Variants in ATE1 observed in about 807,000 individuals in gnomAD.
ATE1 encodes arginyl-tRNA--protein transferase 1.
Under a neutral mutation model 70.5 loss-of-function variants are expected in ATE1, and 36 were observed. The observed-to-expected ratio is 0.51, with a 90% CI of 0.39 to 0.67. ATE1 has a LOEUF of 0.67. Ranked by LOEUF, ATE1 falls within the 30% of genes least tolerant of loss-of-function variation. The pLI, the probability that ATE1 is intolerant of heterozygous loss-of-function variation, is 0.00. For missense variants in ATE1, 593 were observed against 629.5 expected (o/e 0.94, Z 0.62); for synonymous variants, 232 against 219.3 (o/e 1.06, Z -0.51).
At chr10:121,918,988 C>T (rs902737602) in intron 3 of ATE1, among the ~76,000 whole-genome samples, 1 of 149,900 alleles carries the variant, frequency 6.7e-6, no homozygotes, top group Non-Finnish European at 1.5e-5. Context: ...CCAATCAGCA[C>T]TCTATAAAAT....
chr10:121,829,718 GA>G (rs918435160), intron 10 of ATE1, among the ~76,000 whole-genome samples: 25 of 138,560 alleles, frequency 1.8e-4, no homozygotes, highest in Middle Eastern at 4.0e-3. Context: ...CAAAAAAAAA[GA>G]AAAAAAAAAG....
At chr10:121,893,089 A>G (rs1298900426) in intron 7 of ATE1, among the ~76,000 whole-genome samples, 2 of 152,034 alleles carry the variant, frequency 1.3e-5, no homozygotes, top group African/African-American at 4.8e-5. Flanking sequence ...CATCCTGGCT[A>G]ACATAGTGAA....
chr10:121,804,131 A>G (rs2133398851), intron 10 of ATE1, among the ~76,000 whole-genome samples: 1 of 152,342 alleles, frequency 6.6e-6, no homozygotes, highest in Admixed American at 6.5e-5. Context: ...CAGTCATGTA[A>G]CCATGATAAA....
Position 121,899,976 on chromosome 10 carries a change from A to G in ATE1, c.832T>C (p.Ser278Pro), listed in dbSNP as rs755888288. 4 of 1,613,812 alleles carry G rather than the reference A, an allele frequency of 2.5e-6. No individual in the cohort carries two copies. The highest frequency in any genetic ancestry group is 3.4e-6 in the Non-Finnish European group (4 of 1,179,810). ...HKLEVRVVRS[S>P]PPSSQFKATL... ...GCTTTGAACTGCGAACTTGGTGGAGATGATCTCACCACCCTCACCTTCAGA... is the reference window on the plus strand; with the variant it reads ...GCTTTGAACTGCGAACTTGGTGGAGGTGATCTCACCACCCTCACCTTCAGA... The change falls in exon 7 of 12, where the codon TCT becomes CCT. Residue 278 changes from serine (S) to proline (P), a missense_variant. Physicochemically the swap from Ser to Pro is moderately conservative, Grantham distance 74. Transcript: ENST00000224652.
chr10:121,836,625 T>A (rs1948442862), intron 10 of ATE1, 93 bp downstream of exon 10: 3 of 757,216 alleles, frequency 4.0e-6, no homozygotes, highest in East Asian at 2.9e-5. Context: ...CGTCCTTCCT[T>A]CAAAGCTTCA....
At chr10:121,869,349 T>G (rs1949771839) in intron 8 of ATE1, among the ~76,000 whole-genome samples, 1 of 152,230 alleles carries the variant, frequency 6.6e-6, no homozygotes, top group Non-Finnish European at 1.5e-5. Context: ...CTTTTCCAAG[T>G]CTTGATGATC....
rs202227919 is a variant in ATE1, at chr10:121,820,141, C to CA, written c.1257+16576dup. 1.3e-3 allele frequency among the ~76,000 whole-genome samples: 194 copies of CA among 151,354 alleles called. 4 individuals carry two copies. In the East Asian group the frequency reaches 0.032, roughly 25 times the overall value. ...TGGGTGACAGAGTAAGACTCTGTCT[C>CA]AAAAAATAAACAAAAATAAATAAAT... On this transcript the variant is annotated intron_variant, in intron 10 of 11. Transcript: ENST00000224652.
chr10:121,757,600 C>T (rs1354286858), intron 11 of ATE1, among the ~76,000 whole-genome samples: 1 of 152,228 alleles, frequency 6.6e-6, no homozygotes, highest in Non-Finnish European at 1.5e-5. Context: ...GAGCAAGTCA[C>T]ATCTTACATG....
At chr10:121,763,387 C>T (rs1022260353) in intron 11 of ATE1, among the ~76,000 whole-genome samples, 7 of 152,122 alleles carry the variant, frequency 4.6e-5, no homozygotes, top group African/African-American at 1.4e-4. Flanking sequence ...AACAGATCAA[C>T]TCTGGTACTA....
intron 8 of ATE1, among the ~76,000 whole-genome samples, chr10:121,842,614 A>C (rs894016841): frequency 2.6e-5 from 4 of 152,220 alleles, no homozygotes; most frequent in African/African-American, 9.6e-5. Flanking sequence ...ATATATAAAA[A>C]GAATTATACC....
At chr10:121,796,929 C>CTT (rs1946680217) in intron 10 of ATE1, among the ~76,000 whole-genome samples, 1 of 152,148 alleles carries the variant, frequency 6.6e-6, no homozygotes, top group Non-Finnish European at 1.5e-5. Context: ...ATTTCTTACC[C>CTT]TATAAAAGAA....
chr10:121,774,698 G>A (rs887432886), intron 11 of ATE1, among the ~76,000 whole-genome samples: 10 of 152,088 alleles, frequency 6.6e-5, no homozygotes, highest in Non-Finnish European at 1.3e-4. Flanking sequence ...AGGGAACTTC[G>A]ATCTAAATGT....
At chr10:121,800,859 G>A (rs1946849687) in intron 10 of ATE1, among the ~76,000 whole-genome samples, 1 of 152,102 alleles carries the variant, frequency 6.6e-6, no homozygotes, top group Admixed American at 6.5e-5. Context: ...AAATGAGTAA[G>A]AATAAAGGCT....
intron 7 of ATE1, among the ~76,000 whole-genome samples, chr10:121,883,106 CAAT>C (rs1156594855): frequency 6.6e-6 from 1 of 152,146 alleles, no homozygotes; most frequent in Non-Finnish European, 1.5e-5. Flanking sequence ...ACTTTACTAA[CAAT>C]AAACTTGGTG....
At chr10:121,886,556 C>T (rs1950406315) in intron 7 of ATE1, among the ~76,000 whole-genome samples, 1 of 152,126 alleles carries the variant, frequency 6.6e-6, no homozygotes, top group African/African-American at 2.4e-5. Context: ...GCTACAGCTC[C>T]CCGCCACCTG....
At chr10:121,918,163 T>C (rs2134535872) in intron 3 of ATE1, among the ~76,000 whole-genome samples, 1 of 152,092 alleles carries the variant, frequency 6.6e-6, no homozygotes, top group Middle Eastern at 3.4e-3. Context: ...TGAAACCCCG[T>C]CTCTACTAAA....
chr10:121,790,029 T>TAAAC (rs1554892941), intron 11 of ATE1, 140 bp downstream of exon 11: 16 of 889,074 alleles, frequency 1.8e-5, no homozygotes, highest in Non-Finnish European at 2.4e-5. Context: ...TCCTCTATCT[T>TAAAC]ACACACACAC....
chr10:121,888,804 T>A (rs918665301), intron 7 of ATE1, among the ~76,000 whole-genome samples: 18 of 152,180 alleles, frequency 1.2e-4, no homozygotes, highest in Admixed American at 2.6e-4. Flanking sequence ...CGATGAGAGT[T>A]AACAGTCTAC....
At chr10:121,839,457 C>A (rs1334156284) in intron 9 of ATE1, among the ~76,000 whole-genome samples, 1 of 152,024 alleles carries the variant, frequency 6.6e-6, no homozygotes, top group Non-Finnish European at 1.5e-5. Flanking sequence ...AAACAAAAAA[C>A]CAGCAATTAT....
Sources: allele counts gnomAD v4.1 joint callset (sites outside exome capture counted in the v4.1 genomes callset), GRCh38; gene constraint gnomAD v4.1.1; transcripts MANE v1.5; gene names NCBI Gene and HGNC (gene_info 2026-07-23, HGNC 2026-07-21).